Variants in SRP19 observed in about 807,000 individuals in gnomAD.
The protein encoded by SRP19 is signal recognition particle 19.
Under a neutral mutation model 22.4 loss-of-function variants are expected in SRP19, and 11 were observed. That is an observed-to-expected ratio of 0.49 (90% CI 0.31 to 0.81). The LOEUF (loss-of-function observed/expected upper bound fraction) is 0.81. Among genes scored for constraint, SRP19 ranks in the 40% least tolerant of loss-of-function variants. SRP19 has a pLI of 0.05. For synonymous variants in SRP19, 61 were observed against 57.6 expected (o/e 1.06, Z -0.27); for missense variants, 168 against 175.9 (o/e 0.96, Z 0.25).
intron 4 of SRP19, among the ~76,000 whole-genome samples, chr5:112,875,120 T>G (rs1437140356): frequency 6.6e-6 from 1 of 152,188 alleles, no homozygotes; most frequent in Non-Finnish European, 1.5e-5. Context: ...AAGGAAACTC[T>G]TAAATGTGTA....
At chr5:112,871,948 G>T (rs780821852), downstream of SRP19, among the ~76,000 whole-genome samples, 1 of 152,092 alleles carries the variant, frequency 6.6e-6, no homozygotes, top group Non-Finnish European at 1.5e-5. Flanking sequence ...AACTGAGTTC[G>T]CATCCTCTAC....
At position 112,892,412 on chromosome 5, in the gene SRP19, T is replaced by C. The variant is rs775085765; in HGVS notation, c.*805T>C. Reference sequence around the variant, plus strand: ...CCCGAGTTCAAGAACGTGGGGAAAGTGATTCAGTTCAAGGTCAGCTGCAAT... The same window carrying C: ...CCCGAGTTCAAGAACGTGGGGAAAGCGATTCAGTTCAAGGTCAGCTGCAAT... On this transcript the variant is annotated 3_prime_UTR_variant, in exon 5 of 5. Coordinates refer to the SRP19 transcript ENST00000391338. 12 of 1,613,988 alleles carry C rather than the reference T, an allele frequency of 7.4e-6. No homozygotes were observed. The East Asian group carries it at 2.7e-4, about 36-fold the overall frequency.
intron 4 of SRP19, among the ~76,000 whole-genome samples, chr5:112,883,805 C>T (rs904297888): frequency 6.6e-6 from 1 of 152,080 alleles, no homozygotes; most frequent in African/African-American, 2.4e-5. Context: ...CCCACCCCAA[C>T]AAAACCTGTT....
chr5:112,886,960 C>T (rs1768267491), intron 4 of SRP19: 5 of 1,329,240 alleles, frequency 3.8e-6, no homozygotes, highest in Admixed American at 2.0e-5. Context: ...GTTATTTGAG[C>T]CCAGTGTGTC....
In SRP19 at chr5:112,868,050, C is replaced by A. The variant is rs73789233; in HGVS notation, c.*513C>A. On this transcript the variant is annotated 3_prime_UTR_variant, in exon 5 of 5. Transcript: ENST00000505459. ...TTTTGTGGGTGGGGGACAGGGGAGT[C>A]TGTAAAAAGCCAGTCTGTAGATGAT... The A allele has an allele frequency of 0.01, 10,019 of 985,414 alleles. 807 individuals carry two copies. The African/African-American group carries it at 0.16, about 16-fold the overall frequency. The allele number at this position is 985,414 out of a possible 1,614,324, so 61.0% of individuals were successfully genotyped here. A position where few individuals can be genotyped will look rare whatever the true frequency, so the allele number is the denominator to read the frequency against.
chr5:112,888,088 G>T (rs1468053235), intron 4 of SRP19, among the ~76,000 whole-genome samples: 1 of 152,174 alleles, frequency 6.6e-6, no homozygotes, highest in Non-Finnish European at 1.5e-5. Flanking sequence ...AAAAACAGAA[G>T]TCACTTACAG....
At chr5:112,891,812 T>C (rs542437180) in exon 5 of SRP19, 30 of 1,595,260 alleles carry the variant, frequency 1.9e-5, no homozygotes, top group African/African-American at 5.4e-5. Context: ...GACACTTTTA[T>C]TGAAGAACAA....
At chr5:112,887,061 G>A in intron 4 of SRP19, 1 of 1,613,440 alleles carries the variant, frequency 6.2e-7, no homozygotes, top group Non-Finnish European at 8.5e-7. Context: ...TGTCTTTAAG[G>A]TCCTTGACCA....
intron 4 of SRP19, chr5:112,878,128 T>G (rs1233145157): frequency 6.6e-6 from 1 of 152,492 alleles, no homozygotes; most frequent in Admixed American, 6.5e-5. Flanking sequence ...CAGGCCAATC[T>G]CCATTCGATT....
exon 5 of SRP19, chr5:112,892,519 G>C: frequency 5.0e-6 from 8 of 1,614,172 alleles, no homozygotes; most frequent in Non-Finnish European, 5.9e-6. Flanking sequence ...TCTGTTTAAC[G>C]GACGATGGTA....
chr5:112,877,025 T>G (rs993631598), intron 4 of SRP19: 1 of 152,164 alleles, frequency 6.6e-6, no homozygotes, highest in African/African-American at 2.4e-5. Flanking sequence ...GTACTTTTAT[T>G]TATGGGAAAA....
intron 4 of SRP19, chr5:112,885,142 C>A (rs540763551): frequency 1.8e-5 from 3 of 166,942 alleles, no homozygotes; most frequent in African/African-American, 7.2e-5. Flanking sequence ...ACAGCCTTGG[C>A]CAGCTAGGCC....
At chr5:112,888,585 G>A (rs1451258271) in intron 4 of SRP19, among the ~76,000 whole-genome samples, 1 of 124,014 alleles carries the variant, frequency 8.1e-6, no homozygotes, top group African/African-American at 3.6e-5. Context: ...CACCAGGCCT[G>A]GCTAATTTTT....
chr5:112,886,050 A>G (rs1768233166), intron 4 of SRP19, among the ~76,000 whole-genome samples: 2 of 152,220 alleles, frequency 1.3e-5, no homozygotes, highest in South Asian at 4.1e-4. Context: ...GGTGCAAACC[A>G]TTCTAAGGAG....
Position 112,867,477 on chromosome 5 carries a change from T to A in SRP19, c.375T>A (p.Ala125=). The change falls in exon 5 of 5, where the codon GCT becomes GCA. Residue 125 remains alanine, a synonymous_variant. Coordinates refer to ENST00000505459, the MANE Select transcript of SRP19 (RefSeq NM_003135.3). ...LKTRTQKTGG[A]DQSLQQGEGS... Reference sequence around the variant, plus strand: ...CAAGGACACAAAAAACAGGAGGTGCTGACCAAAGTCTTCAACAAGGAGAGG... The same window carrying A: ...CAAGGACACAAAAAACAGGAGGTGCAGACCAAAGTCTTCAACAAGGAGAGG... The A allele has an allele frequency of 6.2e-7, 1 of 1,613,856 alleles. No individual in the cohort carries two copies. Among genetic ancestry groups the A allele is most frequent in the Non-Finnish European group, 8.5e-7 (1 of 1,179,940 alleles).
In SRP19 at chr5:112,861,944, G is replaced by A. The variant is rs180947272; in HGVS notation, c.41+527G>A. Among the ~76,000 whole-genome samples the A allele has an allele frequency of 4.4e-3, 670 of 152,220 alleles. 3 individuals carry two copies. The highest frequency in any genetic ancestry group is 0.01 in the Middle Eastern group (3 of 294). On this transcript the variant is annotated intron_variant, in intron 1 of 4. Transcript: ENST00000505459. The stretch of plus-strand genomic sequence containing the variant: ...TTATTTTTAAATAAGTTAAAGTGAG[G>A]TAATTTAAAGAAATAACATTAAGCA...
chr5:112,875,467 C>G (rs1487234343), intron 4 of SRP19, among the ~76,000 whole-genome samples: 2 of 151,858 alleles, frequency 1.3e-5, no homozygotes, highest in South Asian at 4.2e-4. Flanking sequence ...CTCCCAGGCT[C>G]AAGTCCTCCC....
At chr5:112,871,331 A>G (rs1767755231), downstream of SRP19, among the ~76,000 whole-genome samples, 1 of 143,338 alleles carries the variant, frequency 7.0e-6, no homozygotes, top group Non-Finnish European at 1.5e-5. Context: ...TTTTTTTGAG[A>G]CAGGTCTCTC....
downstream of SRP19, chr5:112,897,110 A>G (rs908355907): frequency 6.6e-6 from 1 of 152,188 alleles, no homozygotes; most frequent in Admixed American, 6.5e-5. Flanking sequence ...TAACATGAGA[A>G]AATACTCAGA....
Sources: allele counts gnomAD v4.1 joint callset (sites outside exome capture counted in the v4.1 genomes callset), GRCh38; gene constraint gnomAD v4.1.1; transcripts MANE v1.5; gene names NCBI Gene and HGNC (gene_info 2026-07-23, HGNC 2026-07-21).